The following ZC3H7B variants were observed in gnomAD, a reference collection of about 807,000 sequenced individuals.
ZC3H7B encodes zinc finger CCCH domain-containing protein 7B.
In ZC3H7B, 35 loss-of-function variants were observed where a neutral mutation model predicts 116.0. The observed-to-expected ratio is 0.30, with a 90% CI of 0.23 to 0.40. The LOEUF is 0.40. ZC3H7B is among the 10% of genes least tolerant of loss of function. ZC3H7B has a pLI of 1.00. For synonymous variants in ZC3H7B, 502 were observed against 545.6 expected (o/e 0.92, Z 1.11); for missense variants, 1,011 against 1,321.5 (o/e 0.77, Z 3.64).
rs766418023 is a variant in ZC3H7B at position 41,343,376 on chromosome 22, T to G, written c.1298-39T>G. The G allele has an allele frequency of 3.2e-6, 5 of 1,581,090 alleles. No homozygotes were observed. In the South Asian group the frequency reaches 4.5e-5, roughly 14 times the overall value. ...CCTGCCAGCCATCACTCTTCAATTC[T>G]GCTTCCGGAATTATCATGTGTGTCC... On this transcript the variant is annotated intron_variant, in intron 12 of 22. Transcript: ENST00000352645.
intron 2 of ZC3H7B, among the ~76,000 whole-genome samples, chr22:41,324,983 C>T (rs111882149): frequency 4.6e-4 from 70 of 152,326 alleles, no homozygotes; most frequent in African/African-American, 1.3e-3. Flanking sequence ...AGCCTTCCCC[C>T]GCTCTGCCTT....
At chr22:41,315,351 T>TA (rs1555954711) in intron 1 of ZC3H7B, among the ~76,000 whole-genome samples, 3 of 98,600 alleles carry the variant, frequency 3.0e-5, no homozygotes, top group Non-Finnish European at 6.4e-5. Flanking sequence ...TAATTTCTAG[T>TA]GTTTTTTTTT....
At chr22:41,340,168 C>G (rs1446065309) in intron 10 of ZC3H7B, 31 bp downstream of exon 10, 17 of 1,565,366 alleles carry the variant, frequency 1.1e-5, no homozygotes, top group Non-Finnish European at 1.5e-5. Flanking sequence ...GTTCAACCTC[C>G]CTGGACAGGT....
intron 1 of ZC3H7B, among the ~76,000 whole-genome samples, chr22:41,303,781 G>A (rs1303103861): frequency 3.3e-5 from 5 of 152,054 alleles, no homozygotes; most frequent in East Asian, 1.9e-4. Context: ...TTTTTGAGAC[G>A]GAGTCTCGCT....
intron 1 of ZC3H7B, among the ~76,000 whole-genome samples, chr22:41,303,853 G>A (rs1348119322): frequency 6.6e-6 from 1 of 152,026 alleles, no homozygotes; most frequent in East Asian, 1.9e-4. Context: ...CGCCTCCCGG[G>A]TTCACGCCAT....
Position 41,340,058 on chromosome 22 carries a change from G to T in ZC3H7B, c.1059G>T (p.Pro353=). ...GPTLDPLDLL[P]YSETRLDALD... The stretch of plus-strand genomic sequence containing the variant: ...CGCTGGACCCCCTGGACCTGCTGCC[G>T]TACTCGGAGACCCGGCTGGATGCAC... Residue 353 remains proline, a synonymous_variant, in exon 10 of 23, where the codon CCG becomes CCT. Coordinates refer to ENST00000352645, the MANE Select transcript of ZC3H7B (RefSeq NM_017590.6). 2.5e-6 allele frequency: 4 copies of T among 1,611,856 alleles called. No homozygotes were observed. Among genetic ancestry groups the T allele is most frequent in the Non-Finnish European group, 3.4e-6 (4 of 1,179,974 alleles).
chr22:41,324,311 C>T lies in ZC3H7B; in HGVS notation c.54-1253C>T, dbSNP rs1202026183. Among the ~76,000 whole-genome samples the T allele has an allele frequency of 3.9e-5, 6 of 152,280 alleles. No individual in the cohort carries two copies. The South Asian group carries it at 6.2e-4, about 16-fold the overall frequency. On this transcript the variant is annotated intron_variant, in intron 2 of 22. Coordinates refer to ENST00000352645, the MANE Select transcript of ZC3H7B (RefSeq NM_017590.6). ...GTCACAACTGGGGACACCTTCCACACGCATGTGCATACACAGCCCTCCTGG... is the reference window on the plus strand; with the variant it reads ...GTCACAACTGGGGACACCTTCCACATGCATGTGCATACACAGCCCTCCTGG...
At chr22:41,309,905 C>G (rs9611549) in intron 1 of ZC3H7B, among the ~76,000 whole-genome samples, 42,930 of 151,710 alleles carry the variant, frequency 0.28, 7,100 homozygotes, top group Admixed American at 0.49. Flanking sequence ...AGGGAAACTG[C>G]AAAGAAATCA....
chr22:41,330,596 C>T (rs1001575265), intron 6 of ZC3H7B, among the ~76,000 whole-genome samples: 14 of 152,094 alleles, frequency 9.2e-5, no homozygotes, highest in African/African-American at 3.4e-4. Flanking sequence ...CTCATCTGGA[C>T]GATGGAGATA....
chr22:41,338,346 A>G lies in ZC3H7B; in HGVS notation c.616A>G (p.Ile206Val). 1.9e-6 allele frequency: 3 copies of G among 1,613,702 alleles called. No individual in the cohort carries two copies. Among genetic ancestry groups the G allele is most frequent in the Non-Finnish European group, 2.5e-6 (3 of 1,179,884 alleles). The change falls in exon 8 of 23, where the codon ATC becomes GTC. Residue 206 changes from isoleucine to valine, a missense_variant. Coordinates refer to ENST00000352645, the MANE Select transcript of ZC3H7B (RefSeq NM_017590.6). This position sits in a 1 kb window ranked among gnomAD's most constrained non-coding sequence, Gnocchi z 4.5. ...TSNGLGSIDD[I>V]ETDCYVDPRG... ...TAATGGATTGGGGTCCATAGATGAC[A>G]TCGAAACAGGTAATGTCCCCGATAC...
intron 17 of ZC3H7B, among the ~76,000 whole-genome samples, chr22:41,353,385 C>T (rs970803403): frequency 2.0e-5 from 3 of 152,220 alleles, no homozygotes; most frequent in Non-Finnish European, 2.9e-5. Context: ...CACCCCCAGG[C>T]GGGGATCAGA....
intron 1 of ZC3H7B, among the ~76,000 whole-genome samples, chr22:41,315,352 G>GTTTTTTTT (rs34182958): frequency 8.4e-6 from 1 of 118,884 alleles, no homozygotes; most frequent in Non-Finnish European, 1.7e-5. Context: ...AATTTCTAGT[G>GTTTTTTTT]TTTTTTTTTT....
chr22:41,337,562 G>T (rs2036462531), intron 7 of ZC3H7B, among the ~76,000 whole-genome samples: 2 of 152,200 alleles, frequency 1.3e-5, no homozygotes, highest in African/African-American at 4.8e-5. Flanking sequence ...CTGCTTCCTG[G>T]GGGGCCTGGG....
chr22:41,343,652 A>T, intron 13 of ZC3H7B, 76 bp downstream of exon 13: 2 of 1,467,880 alleles, frequency 1.4e-6, no homozygotes, highest in Non-Finnish European at 1.8e-6. Flanking sequence ...TCTACTCCCC[A>T]TCACAGGTAG....
chr22:41,327,371 G>A lies in ZC3H7B; in HGVS notation c.444+7G>A. On this transcript the variant is annotated splice_region_variant and intron_variant, in intron 5 of 22. Transcript: ENST00000352645. This position sits in a 1 kb window ranked among gnomAD's most constrained non-coding sequence, Gnocchi z 4.5. Reference sequence around the variant, plus strand: ...TTCCCTCGCCCTGCCCCACGTGAGTGTGGCTCTGCAGCCACGCCGGTGCCT... The same window carrying A: ...TTCCCTCGCCCTGCCCCACGTGAGTATGGCTCTGCAGCCACGCCGGTGCCT... 2 of 1,608,924 alleles carry A rather than the reference G, an allele frequency of 1.2e-6. No homozygotes were observed. The highest frequency in any genetic ancestry group is 8.5e-7 in the Non-Finnish European group (1 of 1,179,878).
At chr22:41,305,759 C>T (rs917114877) in intron 1 of ZC3H7B, among the ~76,000 whole-genome samples, 16 of 152,084 alleles carry the variant, frequency 1.1e-4, no homozygotes, top group African/African-American at 1.4e-4. Flanking sequence ...TGCTGGGTGC[C>T]GGCCCAGCAC....
Position 41,339,062 on chromosome 22 carries a change from G to C in ZC3H7B, c.687G>C (p.Leu229=), listed in dbSNP as rs377303328. ...TCCCCTCCACGCCCACGATGCCCCT[G>C]TTCCCTCACGTTCTGGACCTGCTGG... is the stretch of plus-strand genomic sequence containing the variant. The part of the protein sequence containing the change: ...ALLPSTPTMP[L]FPHVLDLLAP... Residue 229 remains leucine (L), a synonymous_variant, in exon 9 of 23, where the codon CTG becomes CTC. Transcript: ENST00000352645. The C allele has an allele frequency of 6.2e-7, 1 of 1,612,168 alleles. No individual in the cohort carries two copies. Among genetic ancestry groups the C allele is most frequent in the Non-Finnish European group, 8.5e-7 (1 of 1,179,158 alleles).
chr22:41,346,986 T>A lies in ZC3H7B; in HGVS notation c.1665+778T>A, dbSNP rs1212296318. ...TATTCCAAAAAAAAAAAAAAAAAAA[T>A]GTCATTTCCATCGTCACGGCAGTGC... On this transcript the variant is annotated intron_variant, in intron 14 of 22. Coordinates refer to ENST00000352645, the MANE Select transcript of ZC3H7B (RefSeq NM_017590.6). This position sits in a 1 kb window ranked among gnomAD's most constrained non-coding sequence, Gnocchi z 5.3. Among the ~76,000 whole-genome samples, 17 of 137,934 alleles carry A rather than the reference T, an allele frequency of 1.2e-4. No homozygotes were observed. The highest frequency in any genetic ancestry group is 4.5e-4 in the East Asian group (2 of 4,446). 90.5% of individuals were successfully genotyped at this position (137,934 alleles called of 152,430 possible).
chr22:41,345,515 G>T (rs927058511), intron 13 of ZC3H7B, among the ~76,000 whole-genome samples: 1 of 152,156 alleles, frequency 6.6e-6, no homozygotes, highest in African/African-American at 2.4e-5. Flanking sequence ...AATCCAGGAG[G>T]CGGAGGTTGC....
Sources: gnomAD v4.1 joint callset for allele counts (sites outside exome capture counted in the v4.1 genomes callset) on GRCh38, gnomAD v4.1.1 for gene constraint, Gnocchi (gnomAD v3.1) non-coding constraint, MANE v1.5 for transcripts, NCBI Gene and HGNC (gene_info 2026-07-23, HGNC 2026-07-21) for gene names.